PPP2R2C: variants seen among roughly 807,000 people sequenced by gnomAD.
PPP2R2C encodes protein phosphatase 2, regulatory subunit B, gamma.
In PPP2R2C, 10 loss-of-function variants were observed where a neutral mutation model predicts 45.3. That is an observed-to-expected ratio of 0.22 (90% confidence interval 0.14 to 0.37). PPP2R2C has a LOEUF of 0.37. Ranked by LOEUF, PPP2R2C falls within the 10% of genes least tolerant of loss-of-function variation. The pLI, the probability that PPP2R2C is intolerant of heterozygous loss-of-function variation, is 1.00. For missense variants in PPP2R2C, 308 were observed against 619.7 expected (o/e 0.50, Z 5.34); for synonymous variants, 257 against 245.4 (o/e 1.05, Z -0.44).
At chr4:6,556,659 C>G (rs1341739483) in intron 1 of PPP2R2C, among the ~76,000 whole-genome samples, 1 of 152,178 alleles carries the variant, frequency 6.6e-6, no homozygotes, top group Non-Finnish European at 1.5e-5. Flanking sequence ...CATCCTGCAA[C>G]CTTGTTCTTT....
chr4:6,551,051 C>T (rs911392316), intron 1 of PPP2R2C, among the ~76,000 whole-genome samples: 2 of 152,178 alleles, frequency 1.3e-5, no homozygotes, highest in African/African-American at 4.8e-5. Context: ...TGGTTATGCA[C>T]AAGCCTCTCC....
At chr4:6,536,926 G>C (rs553111049) in intron 1 of PPP2R2C, among the ~76,000 whole-genome samples, 1 of 152,344 alleles carries the variant, frequency 6.6e-6, no homozygotes, top group African/African-American at 2.4e-5. Context: ...TATCAGGTCA[G>C]GTGAGGTGGC....
At chr4:6,355,313 A>G (rs1046031998) in intron 5 of PPP2R2C, among the ~76,000 whole-genome samples, 7 of 152,132 alleles carry the variant, frequency 4.6e-5, no homozygotes, top group Non-Finnish European at 1.5e-5. Context: ...GATAAGAGGC[A>G]TGGTCACAAC....
At chr4:6,383,865 C>A (rs946877778) in intron 1 of PPP2R2C, 14 of 994,120 alleles carry the variant, frequency 1.4e-5, no homozygotes, top group Non-Finnish European at 1.3e-5. Flanking sequence ...CCAGTCTGGG[C>A]CTTTTAGGAC....
At chr4:6,369,203 G>A (rs561157459) in intron 5 of PPP2R2C, among the ~76,000 whole-genome samples, 6 of 152,216 alleles carry the variant, frequency 3.9e-5, no homozygotes, top group Non-Finnish European at 7.3e-5. Context: ...TCAAATTAAC[G>A]ATGTCGCTCC....
chr4:6,341,558 C>G (rs1733448867), intron 6 of PPP2R2C, among the ~76,000 whole-genome samples: 1 of 152,152 alleles, frequency 6.6e-6, no homozygotes, highest in Non-Finnish European at 1.5e-5. Context: ...AGGCGTCTAT[C>G]TACATCCTCC....
At chr4:6,372,271 G>A (rs371557216) in intron 5 of PPP2R2C, among the ~76,000 whole-genome samples, 72 of 152,342 alleles carry the variant, frequency 4.7e-4, no homozygotes, top group African/African-American at 1.7e-3. Flanking sequence ...AGGATGAGGG[G>A]ATCATGGCCA....
chr4:6,330,401 A>G lies in PPP2R2C; in HGVS notation c.961-1048T>C, dbSNP rs1732312579. Among the ~76,000 whole-genome samples, 1 of 152,216 alleles carries G rather than the reference A, an allele frequency of 6.6e-6. No individual in the cohort carries two copies. The highest frequency in any genetic ancestry group is 2.4e-5 in the African/African-American group (1 of 41,462). On this transcript the variant is annotated intron_variant, in intron 7 of 8. Transcript: ENST00000382599. This position sits in a 1 kb window ranked among gnomAD's most constrained non-coding sequence, Gnocchi z 7.0. The stretch of plus-strand genomic sequence containing the variant: ...TCAGCTTGGCTGGGCCAAGGTACCC[A>G]GATACTTGGTGTTTCTGTGAAGACA...
chr4:6,529,506 C>T (rs1020616948), intron 2 of PPP2R2C, among the ~76,000 whole-genome samples: 9 of 150,600 alleles, frequency 6.0e-5, no homozygotes, highest in African/African-American at 2.0e-4. Flanking sequence ...CCAACACCTC[C>T]AGTTTGCAGA....
chr4:6,350,547 A>G (rs11727834), intron 5 of PPP2R2C: 674,806 of 984,946 alleles, frequency 0.69, 234,250 homozygotes, highest in South Asian at 0.72. Context: ...TCATCAGGAC[A>G]CTCATTCTCG....
intron 1 of PPP2R2C, among the ~76,000 whole-genome samples, chr4:6,450,420 G>C (rs1477481229): frequency 6.6e-6 from 1 of 152,138 alleles, no homozygotes; most frequent in Non-Finnish European, 1.5e-5. Context: ...TCTTCATCTG[G>C]GTCACAGAAA....
chr4:6,399,076 AC>A (rs1303800080), intron 1 of PPP2R2C, among the ~76,000 whole-genome samples: 1 of 152,222 alleles, frequency 6.6e-6, no homozygotes, highest in Non-Finnish European at 1.5e-5. Flanking sequence ...ATCACTGGCT[AC>A]CCAGGGTGCA....
intron 5 of PPP2R2C, among the ~76,000 whole-genome samples, chr4:6,359,682 C>T (rs897172061): frequency 1.1e-4 from 17 of 152,082 alleles, no homozygotes; most frequent in Non-Finnish European, 1.6e-4. Context: ...GCCTGCTCTC[C>T]TGGAGCCCAG....
At chr4:6,383,355 T>C in intron 1 of PPP2R2C, 1 of 1,289,614 alleles carries the variant, frequency 7.8e-7, no homozygotes, top group South Asian at 1.2e-5. Flanking sequence ...AAACATTTAC[T>C]GTTGTATGCA....
At chr4:6,450,229 G>C (rs1413595328) in intron 1 of PPP2R2C, among the ~76,000 whole-genome samples, 5 of 1,120 alleles carry the variant, frequency 4.5e-3, no homozygotes, top group East Asian at 0.17. Context: ...GGGTGGAGTG[G>C]GGGGGTTCAG....
At chr4:6,546,254 C>T (rs559913185) in intron 1 of PPP2R2C, among the ~76,000 whole-genome samples, 1 of 152,240 alleles carries the variant, frequency 6.6e-6, no homozygotes, top group African/African-American at 2.4e-5. Flanking sequence ...CCGGTGATCA[C>T]GGGCAAGGCA....
intron 2 of PPP2R2C, among the ~76,000 whole-genome samples, chr4:6,497,546 T>C (rs1487776565): frequency 6.6e-6 from 1 of 152,142 alleles, no homozygotes; most frequent in Non-Finnish European, 1.5e-5. Context: ...GATTTAACCA[T>C]GAAAAGCAAA....
Position 6,495,385 on chromosome 4 carries a change from G to A in PPP2R2C, c.49+39886C>T, listed in dbSNP as rs140035163. 2.2e-3 allele frequency among the ~76,000 whole-genome samples: 340 copies of A among 152,324 alleles called. No individual in the cohort carries two copies. The Middle Eastern group carries it at 0.024, about 11-fold the overall frequency. On this transcript the variant is annotated intron_variant, in intron 2 of 9. Coordinates refer to the PPP2R2C transcript ENST00000506140. ...CCAGCACCCACGAAAACAGTGTCCC[G>A]GGCACTCCCAGATCACCGGTGCCTG...
intron 5 of PPP2R2C, among the ~76,000 whole-genome samples, chr4:6,370,947 T>C (rs924666566): frequency 6.6e-6 from 1 of 152,206 alleles, no homozygotes; most frequent in African/African-American, 2.4e-5. Flanking sequence ...GGAACCTTCC[T>C]GGCTGGCCCA....
Sources: allele counts gnomAD v4.1 joint callset (sites outside exome capture counted in the v4.1 genomes callset), GRCh38; gene constraint gnomAD v4.1.1; non-coding constraint Gnocchi (gnomAD v3.1); transcripts MANE v1.5; gene names NCBI Gene and HGNC (gene_info 2026-07-23, HGNC 2026-07-21).